CDH5: variants seen among roughly 807,000 people sequenced by gnomAD.
CDH5 encodes the protein cadherin 5, also known as cadherin-5.
A neutral mutation model predicts 62.0 loss-of-function variants in CDH5; 28 were observed. The observed-to-expected ratio is 0.45, with a 90% CI of 0.33 to 0.62. The LOEUF is 0.62. Among genes scored for constraint, CDH5 ranks in the 20% least tolerant of loss-of-function variants. CDH5 has a pLI of 0.02. For synonymous variants in CDH5, 464 were observed against 445.8 expected (o/e 1.04, Z -0.52); for missense variants, 940 against 1,065.1 (o/e 0.88, Z 1.63).
At chr16:66,395,016 A>ATTTTTTTTTTTTTT (rs1567467147) in intron 7 of CDH5, among the ~76,000 whole-genome samples, 1 of 19,950 alleles carries the variant, frequency 5.0e-5, no homozygotes, top group Non-Finnish European at 1.0e-4. Flanking sequence ...CACCAGGCTA[A>ATTTTTTTTTTTTTT]TCTTTTTTTT....
intron 2 of CDH5, among the ~76,000 whole-genome samples, chr16:66,383,444 G>A (rs1286009402): frequency 1.3e-5 from 2 of 151,882 alleles, no homozygotes; most frequent in Non-Finnish European, 2.9e-5. Context: ...AAAATTGAAG[G>A]GAAGGAAAAC....
At position 66,370,545 on chromosome 16, in the gene CDH5, A is replaced by G. The variant is rs182211988; in HGVS notation, c.-20+3787A>G. On this transcript the variant is annotated intron_variant, in intron 1 of 11. Transcript: ENST00000341529. ...GGAAGGAGTGGGTGACAAGACCAGA[A>G]CTGGAGCTGGCACCAGGCTGACAGG... Among the ~76,000 whole-genome samples, 667 of 152,204 alleles carry G rather than the reference A, an allele frequency of 4.4e-3. 5 individuals are homozygous for G. The highest frequency in any genetic ancestry group is 5.8e-3 in the Non-Finnish European group (391 of 67,994).
At chr16:66,399,605 C>G (rs952516427) in intron 10 of CDH5, among the ~76,000 whole-genome samples, 2 of 152,202 alleles carry the variant, frequency 1.3e-5, no homozygotes, top group Admixed American at 6.5e-5. Flanking sequence ...GACCATTCAA[C>G]ACCCAGTTGT....
chr16:66,389,296 C>T, intron 4 of CDH5, 62 bp from the exon 5 acceptor site: 1 of 1,529,246 alleles, frequency 6.5e-7, no homozygotes, highest in South Asian at 1.2e-5. Context: ...TCTGGGCAGG[C>T]CCTAGGCATC....
chr16:66,379,360 T>C lies in CDH5; in HGVS notation c.23T>C (p.Leu8Pro). The part of the protein sequence containing the change: MQRLMML[L>P]ATSGACLGLL... Reference sequence around the variant, plus strand: ...AAGATGCAGAGGCTCATGATGCTCCTCGCCACATCGGGCGCCTGCCTGGGC... The same window carrying C: ...AAGATGCAGAGGCTCATGATGCTCCCCGCCACATCGGGCGCCTGCCTGGGC... Residue 8 changes from leucine (L) to proline (P), a missense_variant, in exon 2 of 12, where the codon CTC (leucine) becomes CCC (proline). Leu to Pro is a moderately conservative substitution (Grantham distance 98). Transcript: ENST00000341529. 1 of 1,612,708 alleles carries C rather than the reference T, an allele frequency of 6.2e-7. No homozygotes were observed. Among genetic ancestry groups the C allele is most frequent in the East Asian group, 2.2e-5 (1 of 44,836 alleles).
At chr16:66,380,254 CACGG>C (rs1960870106) in intron 2 of CDH5, among the ~76,000 whole-genome samples, 1 of 78,748 alleles carries the variant, frequency 1.3e-5, no homozygotes, top group African/African-American at 5.4e-5. Flanking sequence ...TGGTGGTGAT[CACGG>C]TGATGGTGGT....
intron 2 of CDH5, among the ~76,000 whole-genome samples, chr16:66,385,007 T>G (rs1004771101): frequency 1.3e-4 from 20 of 152,082 alleles, no homozygotes; most frequent in African/African-American, 4.6e-4. Context: ...TTCCTCAGCA[T>G]GCCAGCCTCT....
At position 66,402,983 on chromosome 16, in the gene CDH5, C is replaced by T; in HGVS notation, c.2169C>T (p.Pro723=). Residue 723 remains proline, a synonymous_variant, in exon 12 of 12, where the codon CCC becomes CCT. Transcript: ENST00000341529. ...AGGCGGACCACGACGGCGACGGCCCCCCCTACGACACGCTGCACATCTACG... is the reference window on the plus strand; with the variant it reads ...AGGCGGACCACGACGGCGACGGCCCTCCCTACGACACGCTGCACATCTACG... ...KDEADHDGDG[P]PYDTLHIYGY... The T allele has an allele frequency of 6.2e-7, 1 of 1,613,416 alleles. No individual in the cohort carries two copies. The highest frequency in any genetic ancestry group is 8.5e-7 in the Non-Finnish European group (1 of 1,179,904).
At chr16:66,369,575 C>T (rs1212809366) in intron 1 of CDH5, among the ~76,000 whole-genome samples, 3 of 152,170 alleles carry the variant, frequency 2.0e-5, no homozygotes, top group Non-Finnish European at 2.9e-5. Context: ...TTCTGTTCCC[C>T]GCACTGCCCT....
chr16:66,387,504 C>T (rs1237739232), intron 3 of CDH5, among the ~76,000 whole-genome samples: 2 of 152,222 alleles, frequency 1.3e-5, no homozygotes, highest in Admixed American at 1.3e-4. Flanking sequence ...TGATCATGGA[C>T]TGAGCCCTGC....
chr16:66,396,683 G>A (rs1031437274), intron 8 of CDH5, among the ~76,000 whole-genome samples: 7 of 152,228 alleles, frequency 4.6e-5, no homozygotes, highest in African/African-American at 1.7e-4. Flanking sequence ...AAAATGTGAA[G>A]CAGCTTCCAA....
intron 6 of CDH5, among the ~76,000 whole-genome samples, 163 bp from the exon 7 acceptor site, chr16:66,391,971 CCG>C (rs1368467771): frequency 1.3e-5 from 2 of 152,304 alleles, no homozygotes; most frequent in Admixed American, 1.3e-4. Context: ...CCAGGCCCAG[CCG>C]CTGTCTTGAT....
Position 66,379,326 on chromosome 16 carries a change from C to T in CDH5, c.-12C>T. On this transcript the variant is annotated 5_prime_UTR_variant, in exon 2 of 12. Transcript: ENST00000341529. ...TGTCTCCTCTTTCCCCAGATCTGTT[C>T]CTCCTGGGAAGATGCAGAGGCTCAT... 6.3e-7 allele frequency: 1 copy of T among 1,597,460 alleles called. No homozygotes were observed. The highest frequency in any genetic ancestry group is 2.2e-5 in the East Asian group (1 of 44,484).
intron 3 of CDH5, among the ~76,000 whole-genome samples, chr16:66,387,920 T>A (rs1961014251): frequency 6.6e-6 from 1 of 152,166 alleles, no homozygotes; most frequent in Admixed American, 6.5e-5. Context: ...GCCAGGGCCC[T>A]GGGACCAGAC....
intron 8 of CDH5, among the ~76,000 whole-genome samples, chr16:66,396,803 A>G (rs949694686): frequency 6.6e-6 from 1 of 152,202 alleles, no homozygotes; most frequent in African/African-American, 2.4e-5. Context: ...ATCACCCTCC[A>G]GGAGAACTAT....
chr16:66,391,415 G>A (rs892390999), intron 6 of CDH5, among the ~76,000 whole-genome samples: 25 of 152,024 alleles, frequency 1.6e-4, no homozygotes, highest in African/African-American at 6.0e-4. Context: ...GCTTCCTGAG[G>A]GATGAGTAGG....
At chr16:66,373,996 C>T (rs1960739684) in intron 1 of CDH5, among the ~76,000 whole-genome samples, 1 of 152,070 alleles carries the variant, frequency 6.6e-6, no homozygotes, top group African/African-American at 2.4e-5. Flanking sequence ...GAGAGAGTGG[C>T]ATGACGCAAA....
intron 7 of CDH5, 101 bp from the exon 8 acceptor site, chr16:66,395,958 G>A (rs1961176988): frequency 1.7e-6 from 2 of 1,198,450 alleles, no homozygotes; most frequent in East Asian, 2.4e-5. Context: ...GCATGGAGTG[G>A]GATGCAGGGG....
rs753311885 is a variant in CDH5 at position 66,402,972 on chromosome 16, G to A, written c.2158G>A (p.Gly720Ser). 1.9e-6 allele frequency: 3 copies of A among 1,613,076 alleles called. No individual in the cohort carries two copies. The highest frequency in any genetic ancestry group is 1.6e-4 in the Middle Eastern group (1 of 6,062). ...GAAGAAGGACGAGGCGGACCACGAC[G>A]GCGACGGCCCCCCCTACGACACGCT... is the stretch of plus-strand genomic sequence containing the variant. ...EVKKDEADHDGDGPPYDTLHI... is the reference protein window; with the variant it reads ...EVKKDEADHDSDGPPYDTLHI... Residue 720 changes from glycine (G) to serine (S), a missense_variant, in exon 12 of 12, where the codon GGC becomes AGC. Coordinates refer to ENST00000341529, the MANE Select transcript of CDH5 (RefSeq NM_001795.5).
Sources: allele counts gnomAD v4.1 joint callset (sites outside exome capture counted in the v4.1 genomes callset), GRCh38; gene constraint gnomAD v4.1.1; transcripts MANE v1.5; gene names NCBI Gene and HGNC (gene_info 2026-07-23, HGNC 2026-07-21).